Variants in EGFR observed in about 807,000 individuals in gnomAD.
EGFR encodes the protein epidermal growth factor receptor.
A neutral mutation model predicts 143.0 loss-of-function variants in EGFR; 58 were observed. The observed-to-expected ratio is 0.41, with a 90% CI of 0.33 to 0.50. The LOEUF (loss-of-function observed/expected upper bound fraction) is 0.50, where lower values mean the gene tolerates loss of function less well. EGFR is among the 20% of genes least tolerant of loss of function. The pLI is 0.39. For synonymous variants in EGFR, 613 were observed against 594.4 expected, an observed-to-expected ratio of 1.03 and a Z score of -0.45; for missense variants, 1,307 against 1,579.0, an observed-to-expected ratio of 0.83 and a Z score of 2.92.
At chr7:55,048,894 T>C (rs1788328567) in intron 1 of EGFR, among the ~76,000 whole-genome samples, 1 of 152,204 alleles carries the variant, frequency 6.6e-6, no homozygotes. Flanking sequence ...ATGTGAGTGT[T>C]GATGGCTCTA....
intron 15 of EGFR, among the ~76,000 whole-genome samples, chr7:55,170,146 T>C (rs1303042385): frequency 6.6e-6 from 1 of 152,028 alleles, no homozygotes; most frequent in Non-Finnish European, 1.5e-5. Flanking sequence ...CATGACACCA[T>C]GGAAAAGAGG....
chr7:55,077,958 A>G (rs1790226304), intron 1 of EGFR, among the ~76,000 whole-genome samples: 1 of 152,098 alleles, frequency 6.6e-6, no homozygotes, highest in African/African-American at 2.4e-5. Context: ...TGCACCAGGG[A>G]GACGCTATCT....
chr7:55,090,101 T>A (rs1347316483), intron 1 of EGFR, among the ~76,000 whole-genome samples: 1 of 152,066 alleles, frequency 6.6e-6, no homozygotes, highest in Non-Finnish European at 1.5e-5. Context: ...CCTCAGTAGC[T>A]GAGATTACAG....
intron 8 of EGFR, 97 bp downstream of exon 8, chr7:55,156,043 TA>T (rs1785403495): frequency 3.5e-6 from 3 of 864,946 alleles, no homozygotes; most frequent in Non-Finnish European, 5.7e-6. Context: ...CTCTTCTCAT[TA>T]AAAAACAACT....
rs1787841604 is a variant in EGFR at position 55,201,355 on chromosome 7, G to A, written c.3114G>A (p.Leu1038=). 6.2e-7 allele frequency: 1 copy of A among 1,613,944 alleles called. No homozygotes were observed. The highest frequency in any genetic ancestry group is 2.2e-5 in the East Asian group (1 of 44,864). Reference sequence around the variant, plus strand: ...CACGGACTCCCCTCCTGAGCTCTCTGGTATGAAATCTCTGTCTCTCTCTCT... The same window carrying A: ...CACGGACTCCCCTCCTGAGCTCTCTAGTATGAAATCTCTGTCTCTCTCTCT... ...STSRTPLLSS[L]SATSNNSTVA... Residue 1038 remains leucine, a splice_region_variant and synonymous_variant, in exon 25 of 28, where the codon CTG becomes CTA. Coordinates refer to ENST00000275493, the MANE Select transcript of EGFR (RefSeq NM_005228.5).
At chr7:55,046,574 A>G (rs909180302) in intron 1 of EGFR, among the ~76,000 whole-genome samples, 18 of 143,868 alleles carry the variant, frequency 1.3e-4, no homozygotes, top group Non-Finnish European at 2.3e-4. Context: ...GTTAGTGTTA[A>G]TAGATGTTCT....
chr7:55,173,787 C>A (rs2128953256), intron 17 of EGFR, 134 bp from the exon 18 acceptor site: 1 of 1,390,662 alleles, frequency 7.2e-7, no homozygotes, highest in Non-Finnish European at 1.0e-6. Flanking sequence ...TCCAAATGAG[C>A]TGGCAAGTGC....
chr7:55,120,001 A>G (rs763372258), intron 1 of EGFR, among the ~76,000 whole-genome samples: 3 of 152,260 alleles, frequency 2.0e-5, no homozygotes, highest in Non-Finnish European at 4.4e-5. Context: ...AGTTCCTGAC[A>G]TACAAATAGT....
At chr7:55,039,962 G>C (rs1006196239) in intron 1 of EGFR, among the ~76,000 whole-genome samples, 1 of 152,184 alleles carries the variant, frequency 6.6e-6, no homozygotes, top group Non-Finnish European at 1.5e-5. Context: ...TACACTGGTA[G>C]TCATAGTTCT....
In EGFR at chr7:55,205,614, A is replaced by G. The variant is rs766068024; in HGVS notation, c.3630A>G (p.Ala1210=). ...CACAAAGCAGTGAATTTATTGGAGC[A>G]TGACCACGGAGGATAGTATGAGCCC... ...VAPQSSEFIG[A] Residue 1210 remains alanine (A), a synonymous_variant, in exon 28 of 28, where the codon GCA becomes GCG. Transcript: ENST00000275493. 9.3e-6 allele frequency: 15 copies of G among 1,614,222 alleles called. No homozygotes were observed. Among genetic ancestry groups the G allele is most frequent in the Non-Finnish European group, 1.2e-5 (14 of 1,180,040 alleles).
intron 1 of EGFR, among the ~76,000 whole-genome samples, chr7:55,087,186 C>T (rs999783381): frequency 7.5e-5 from 11 of 146,508 alleles, no homozygotes; most frequent in Non-Finnish European, 1.0e-4. Flanking sequence ...CCACTGAGAA[C>T]ACAAGGCTGG....
At position 55,160,345 on chromosome 7, in the gene EGFR, C is replaced by T. The variant is rs376125895; in HGVS notation, c.1498+7C>T. On this transcript the variant is annotated splice_region_variant and intron_variant, in intron 12 of 27. Transcript: ENST00000275493. The stretch of plus-strand genomic sequence containing the variant: ...AGAGGTGAAAACAGCTGCAGTAAGT[C>T]ACCGCTTTCTGTTTAGTTTATGGAG... The T allele has an allele frequency of 3.1e-6, 5 of 1,612,072 alleles. No individual in the cohort carries two copies. The African/African-American group carries it at 6.7e-5, about 22-fold the overall frequency.
At chr7:55,134,336 A>G (rs1218096527) in intron 1 of EGFR, among the ~76,000 whole-genome samples, 1 of 151,388 alleles carries the variant, frequency 6.6e-6, no homozygotes, top group Non-Finnish European at 1.5e-5. Context: ...AGGACTCAGG[A>G]CTCAGCGAGG....
At chr7:55,061,643 TGTGTGTGAGA>T (rs1380311088) in intron 1 of EGFR, among the ~76,000 whole-genome samples, 1 of 135,700 alleles carries the variant, frequency 7.4e-6, no homozygotes, top group African/African-American at 2.7e-5. Context: ...TGTGTGTGTG[TGTGTGTGAGA>T]GAGAGAGAGA....
In EGFR at chr7:55,078,988, G is replaced by A. The variant is rs543140883; in HGVS notation, c.88+59623G>A. Among the ~76,000 whole-genome samples, 6 of 152,286 alleles carry A rather than the reference G, an allele frequency of 3.9e-5. No homozygotes were observed. The South Asian group carries it at 6.2e-4, about 16-fold the overall frequency. ...GGGAGCAGGCGGGTACTTCTATTCC[G>A]TTTGGCTTCAGAAGGGAAAAGAGAA... On this transcript the variant is annotated intron_variant, in intron 1 of 27. Transcript: ENST00000275493.
chr7:55,146,738 G>T lies in EGFR; in HGVS notation c.557G>T (p.Ser186Ile). The T allele has an allele frequency of 6.2e-7, 1 of 1,614,210 alleles. No individual in the cohort carries two copies. The part of the protein sequence containing the change: ...MSMDFQNHLG[S>I]CQKCDPSCPN... Reference sequence around the variant, plus strand: ...ATGGACTTCCAGAACCACCTGGGCAGCTGTAAGTGTCGCATACACACTATC... The same window carrying T: ...ATGGACTTCCAGAACCACCTGGGCATCTGTAAGTGTCGCATACACACTATC... Residue 186 changes from serine to isoleucine, a missense_variant and splice_region_variant, in exon 4 of 28, where the codon AGC (serine) becomes ATC (isoleucine). Ser to Ile is a moderately radical substitution (Grantham distance 142). Transcript: ENST00000275493.
rs1053528375 is a variant in EGFR, at chr7:55,032,487, T to C, written c.88+13122T>C. On this transcript the variant is annotated intron_variant, in intron 1 of 27. Coordinates refer to ENST00000275493, the MANE Select transcript of EGFR (RefSeq NM_005228.5). ...CACACACTTTTCCTGAGCCTTTGCA[T>C]GTGTGGCAGGCAGCGGCCTGGCATC... Among the ~76,000 whole-genome samples, 9 of 152,288 alleles carry C rather than the reference T, an allele frequency of 5.9e-5. No homozygotes were observed. The East Asian group carries it at 1.5e-3, about 26-fold the overall frequency.
intron 20 of EGFR, among the ~76,000 whole-genome samples, chr7:55,186,989 C>T (rs1787167153): frequency 6.6e-6 from 1 of 152,212 alleles, no homozygotes; most frequent in South Asian, 2.1e-4. Flanking sequence ...GACCAAACAG[C>T]GTGACAGGTC....
At chr7:55,047,581 G>A (rs1269721464) in intron 1 of EGFR, among the ~76,000 whole-genome samples, 5 of 152,100 alleles carry the variant, frequency 3.3e-5, no homozygotes, top group African/African-American at 1.2e-4. Flanking sequence ...GAAACCCCAT[G>A]CCTACTAAAA....
Sources: gnomAD v4.1 joint callset for allele counts (sites outside exome capture counted in the v4.1 genomes callset) on GRCh38, gnomAD v4.1.1 for gene constraint, MANE v1.5 for transcripts, NCBI Gene and HGNC (gene_info 2026-07-23, HGNC 2026-07-21) for gene names.